RAI1: variants seen among roughly 807,000 people sequenced by gnomAD.
The protein encoded by RAI1 is retinoic acid induced 1.
In RAI1, 9 loss-of-function variants were observed where a neutral mutation model predicts 123.8. The ratio of observed to expected loss-of-function variants is 0.07; its 90% CI spans 0.04 to 0.13. The LOEUF is 0.13. Ranked by LOEUF, RAI1 falls within the 10% of genes least tolerant of loss-of-function variation. RAI1 has a pLI of 1.00. For synonymous variants in RAI1, 1,231 were observed against 1,127.3 expected (o/e 1.09, Z -1.84); for missense variants, 2,256 against 2,545.8 (o/e 0.89, Z 2.45).
At chr17:17,808,462 A>ATTTTATTTTATTTTATTTTATTTTAT (rs1567940533) in intron 4 of RAI1, among the ~76,000 whole-genome samples, 1 of 137,710 alleles carries the variant, frequency 7.3e-6, no homozygotes, top group African/African-American at 2.8e-5. Context: ...ATTTTATTTC[A>ATTTTATTTTATTTTATTTTATTTTAT]TCTCAGACAG....
chr17:17,715,677 G>A (rs1915688944), intron 1 of RAI1, among the ~76,000 whole-genome samples: 1 of 152,164 alleles, frequency 6.6e-6, no homozygotes, highest in Admixed American at 6.5e-5. Flanking sequence ...CCTTCCAGCA[G>A]TTTCTTCTCC....
intron 1 of RAI1, among the ~76,000 whole-genome samples, chr17:17,700,083 CT>C (rs895029018): frequency 6.6e-6 from 1 of 152,268 alleles, no homozygotes; most frequent in Non-Finnish European, 1.5e-5. Context: ...GCCTTGGCTG[CT>C]ATCGTTGTTG....
At chr17:17,729,242 G>A (rs1455050906) in intron 2 of RAI1, among the ~76,000 whole-genome samples, 4 of 152,232 alleles carry the variant, frequency 2.6e-5, no homozygotes, top group Non-Finnish European at 5.9e-5. Context: ...GCCTGGTCAC[G>A]CTGGGCCTTG....
intron 2 of RAI1, among the ~76,000 whole-genome samples, chr17:17,786,204 GTTCT>G (rs1444814546): frequency 2.0e-5 from 3 of 152,290 alleles, no homozygotes; most frequent in South Asian, 4.1e-4. Context: ...TCGGGAAGAT[GTTCT>G]TTGTCAAATG....
In RAI1 at chr17:17,801,280, A is replaced by T. The variant is rs987565513; in HGVS notation, c.5566-2476A>T. 9.9e-5 allele frequency among the ~76,000 whole-genome samples: 15 copies of T among 152,050 alleles called. No homozygotes were observed. Among genetic ancestry groups the T allele is most frequent in the African/African-American group, 4.8e-5 (2 of 41,398 alleles). On this transcript the variant is annotated intron_variant, in intron 3 of 5. Coordinates refer to ENST00000353383, the MANE Select transcript of RAI1 (RefSeq NM_030665.4). The surrounding 1 kb of genome is among the most constrained non-coding windows in gnomAD (Gnocchi z 4.1). Reference sequence around the variant, plus strand: ...CCCATAGCGGGCTCCGGGCATTGTTAGGGGGCTAGGTGGTGTCTGCAGAGG... The same window carrying T: ...CCCATAGCGGGCTCCGGGCATTGTTTGGGGGCTAGGTGGTGTCTGCAGAGG...
chr17:17,792,312 C>T (rs2032040922), intron 2 of RAI1, among the ~76,000 whole-genome samples: 1 of 151,788 alleles, frequency 6.6e-6, no homozygotes, highest in African/African-American at 2.4e-5. Context: ...TGTGTGTGTG[C>T]ATGCGTGTGT....
intron 2 of RAI1, among the ~76,000 whole-genome samples, chr17:17,772,200 T>C (rs1411517883): frequency 2.0e-5 from 3 of 152,216 alleles, no homozygotes; most frequent in African/African-American, 7.2e-5. Flanking sequence ...CCATGGACTT[T>C]GGAGAAATCT....
At chr17:17,696,257 A>G (rs933919406) in intron 1 of RAI1, among the ~76,000 whole-genome samples, 1 of 152,144 alleles carries the variant, frequency 6.6e-6, no homozygotes, top group Non-Finnish European at 1.5e-5. Context: ...TTGGTTTTGT[A>G]AGGCACTTGG....
chr17:17,717,773 A>C (rs1219271604), intron 1 of RAI1, among the ~76,000 whole-genome samples: 2 of 152,174 alleles, frequency 1.3e-5, no homozygotes, highest in Non-Finnish European at 2.9e-5. Flanking sequence ...GAATACCCAT[A>C]GTCTGGATGC....
rs770358999 is a variant in RAI1 at position 17,809,152 on chromosome 17, A to G, written c.5660-238A>G. 2 of 599,398 alleles carry G rather than the reference A, an allele frequency of 3.3e-6. No homozygotes were observed. Among genetic ancestry groups the G allele is most frequent in the South Asian group, 3.7e-5 (2 of 54,390 alleles). 37.1% of individuals were successfully genotyped at this position (599,398 alleles called of 1,614,324 possible). A position where few individuals can be genotyped will look rare whatever the true frequency, so the allele number is the denominator to read the frequency against. ...GGCGGCACGTGGAACTCAGGGGGAA[A>G]AGCTCTCCGCGGAGGAGGTGAGGTG... On this transcript the variant is annotated intron_variant, in intron 4 of 5. Transcript: ENST00000353383. The surrounding 1 kb of genome is among the most constrained non-coding windows in gnomAD (Gnocchi z 4.9).
At chr17:17,756,197 A>ATTT (rs765341751) in intron 2 of RAI1, among the ~76,000 whole-genome samples, 102 of 143,390 alleles carry the variant, frequency 7.1e-4, no homozygotes, top group African/African-American at 2.4e-3. Flanking sequence ...GAGTGAATGA[A>ATTT]TTTTTTTTTT....
intron 4 of RAI1, among the ~76,000 whole-genome samples, chr17:17,808,412 T>TTG (rs2032639661): frequency 2.0e-5 from 1 of 50,956 alleles, no homozygotes; most frequent in African/African-American, 1.3e-4. Context: ...TTATTTTATT[T>TTG]TATTATTTTA....
chr17:17,799,807 C>T lies in RAI1; in HGVS notation c.5565+1294C>T, dbSNP rs1212895492. Among the ~76,000 whole-genome samples, 2 of 152,198 alleles carry T rather than the reference C, an allele frequency of 1.3e-5. No homozygotes were observed. Among genetic ancestry groups the T allele is most frequent in the Non-Finnish European group, 2.9e-5 (2 of 68,030 alleles). ...CCTCCTCCCCCGTCGCTGCACTGCCCACCTGCTCCTCGCAGTACACCCCTG... is the reference window on the plus strand; with the variant it reads ...CCTCCTCCCCCGTCGCTGCACTGCCTACCTGCTCCTCGCAGTACACCCCTG... On this transcript the variant is annotated intron_variant, in intron 3 of 5. Coordinates refer to ENST00000353383, the MANE Select transcript of RAI1 (RefSeq NM_030665.4). This position sits in a 1 kb window ranked among gnomAD's most constrained non-coding sequence, Gnocchi z 4.5.
intron 1 of RAI1, among the ~76,000 whole-genome samples, chr17:17,708,189 G>A (rs1161496432): frequency 6.6e-6 from 1 of 152,162 alleles, no homozygotes; most frequent in Admixed American, 6.5e-5. Flanking sequence ...TTCAGCCTGT[G>A]CCATTTTTCT....
At chr17:17,767,101 A>AC (rs2030967350) in intron 2 of RAI1, among the ~76,000 whole-genome samples, 2 of 151,616 alleles carry the variant, frequency 1.3e-5, no homozygotes, top group African/African-American at 4.8e-5. Context: ...AGCTCCAGGA[A>AC]CCCCCCACAG....
intron 3 of RAI1, among the ~76,000 whole-genome samples, chr17:17,803,457 C>T (rs908530560): frequency 6.6e-6 from 1 of 151,940 alleles, no homozygotes; most frequent in African/African-American, 2.4e-5. Context: ...CAGGCAGTGG[C>T]GTCATCTCGG....
In RAI1 at chr17:17,810,185, C is replaced by G. The variant is rs1346915411; in HGVS notation, c.*204C>G. 2.4e-5 allele frequency: 17 copies of G among 710,020 alleles called. No homozygotes were observed. The highest frequency in any genetic ancestry group is 3.6e-5 in the Non-Finnish European group (16 of 449,276). The allele number at this position is 710,020 out of a possible 1,614,324, so 44.0% of individuals were successfully genotyped here. ...CCCGGGTTGGGAGGAAAACCCGTTC[C>G]GGAGCCGCCTGCTCCCGGAACCGGA... On this transcript the variant is annotated 3_prime_UTR_variant, in exon 6 of 6. Transcript: ENST00000353383. The surrounding 1 kb of genome is among the most constrained non-coding windows in gnomAD (Gnocchi z 4.6).
rs769984460 is a variant in RAI1 at position 17,798,177 on chromosome 17, C to G, written c.5229C>G (p.Pro1743=). ...CGCTTGAGAGAACACTCAAAGGTCC[C>G]GAGTGTGCAGCTGCCGCCACTGCCG... ...SLPLERTLKG[P]ECAAAATAGK... The change falls in exon 3 of 6, where the codon CCC becomes CCG. Residue 1743 remains proline (P), a synonymous_variant. Transcript: ENST00000353383. 6.2e-7 allele frequency: 1 copy of G among 1,612,726 alleles called. No homozygotes were observed. The highest frequency in any genetic ancestry group is 1.1e-5 in the South Asian group (1 of 91,080).
chr17:17,729,621 G>C (rs1916206132), intron 2 of RAI1, among the ~76,000 whole-genome samples: 1 of 152,018 alleles, frequency 6.6e-6, no homozygotes, highest in South Asian at 2.1e-4. Flanking sequence ...GGACTGACAA[G>C]AGAGTAAGGA....
Sources: gnomAD v4.1 joint callset for allele counts (sites outside exome capture counted in the v4.1 genomes callset) on GRCh38, gnomAD v4.1.1 for gene constraint, Gnocchi (gnomAD v3.1) non-coding constraint, MANE v1.5 for transcripts, NCBI Gene and HGNC (gene_info 2026-07-23, HGNC 2026-07-21) for gene names.